The following DCLRE1C variants were observed in gnomAD, a reference collection of about 807,000 sequenced individuals.
The protein encoded by DCLRE1C is protein artemis.
Under a neutral mutation model 61.4 loss-of-function variants are expected in DCLRE1C, and 47 were observed. The ratio of observed to expected loss-of-function variants is 0.77; its 90% CI spans 0.61 to 0.98. DCLRE1C has a LOEUF of 0.98. Ranked by LOEUF, DCLRE1C falls within the 50% of genes least tolerant of loss-of-function variation. The pLI is 0.00. For missense variants in DCLRE1C, 858 were observed against 816.0 expected (o/e 1.05, Z -0.63); for synonymous variants, 337 against 287.6 (o/e 1.17, Z -1.74).
intron 12 of DCLRE1C, chr10:14,920,467 GGC>G: frequency 1.0e-6 from 1 of 991,508 alleles, no homozygotes. Flanking sequence ...ATTTGAACAG[GGC>G]CATGAGGTGC....
intron 3 of DCLRE1C, among the ~76,000 whole-genome samples, chr10:14,944,475 G>A (rs111586405): frequency 0.019 from 2,833 of 151,902 alleles, 44 homozygotes; most frequent in Middle Eastern, 0.044. Context: ...CTCCAGCCTC[G>A]GCAGCAGAGC....
intron 13 of DCLRE1C, among the ~76,000 whole-genome samples, chr10:14,917,505 A>C (rs1421048605): frequency 6.6e-6 from 1 of 152,198 alleles, no homozygotes; most frequent in South Asian, 2.1e-4. Context: ...AAAACAAAAA[A>C]AACTTGTATC....
chr10:14,946,016 C>CT (rs1408844342), intron 2 of DCLRE1C, among the ~76,000 whole-genome samples: 12 of 95,288 alleles, frequency 1.3e-4, no homozygotes, highest in East Asian at 3.3e-4. Context: ...CTTTTTTTTT[C>CT]TTTTTTTTTG....
At chr10:14,950,424 C>G (rs1328951714) in intron 1 of DCLRE1C, among the ~76,000 whole-genome samples, 2 of 151,288 alleles carry the variant, frequency 1.3e-5, no homozygotes, top group East Asian at 1.9e-4. Context: ...CTAATTACCA[C>G]GAGCACCACC....
rs35927251 is a variant in DCLRE1C at position 14,932,844 on chromosome 10, G to A, written c.780+10C>T. 0.17 allele frequency: 276,730 copies of A among 1,612,202 alleles called. 24,398 individuals are homozygous for A. The highest frequency in any genetic ancestry group is 0.23 in the Admixed American group (13,676 of 59,976). ...ACAAACAATACGAGAGGAATCACTT[G>A]CACACGTACCTTGGGATGCCGGCAT... is the stretch of plus-strand genomic sequence containing the variant. On this transcript the variant is annotated intron_variant, in intron 9 of 13. Transcript: ENST00000378278.
chr10:14,939,674 A>C, intron 4 of DCLRE1C, 136 bp downstream of exon 4: 1 of 738,418 alleles, frequency 1.4e-6, no homozygotes, highest in Non-Finnish European at 2.2e-6. Flanking sequence ...TGGTTAAATG[A>C]GCATTCAAAA....
At chr10:14,928,787 T>TG (rs1491366935) in intron 9 of DCLRE1C, among the ~76,000 whole-genome samples, 1 of 89,600 alleles carries the variant, frequency 1.1e-5, no homozygotes, top group African/African-American at 4.4e-5. Flanking sequence ...GTGTATGGTG[T>TG]TTTTTTTTTT....
intron 11 of DCLRE1C, among the ~76,000 whole-genome samples, chr10:14,924,302 AT>A (rs1228011455): frequency 2.6e-5 from 4 of 152,218 alleles, no homozygotes; most frequent in African/African-American, 9.6e-5. Context: ...TAAACAAACA[AT>A]TACATGCAAA....
chr10:14,940,878 G>A (rs2131042866), intron 3 of DCLRE1C, among the ~76,000 whole-genome samples: 1 of 152,246 alleles, frequency 6.6e-6, no homozygotes, highest in Admixed American at 6.5e-5. Context: ...TATGAAATGG[G>A]TTTTTCCCCA....
chr10:14,927,573 T>TG (rs1202401112), intron 10 of DCLRE1C, among the ~76,000 whole-genome samples: 61 of 29,802 alleles, frequency 2.0e-3, no homozygotes, highest in East Asian at 8.6e-3. Flanking sequence ...AGGGAGGGAG[T>TG]GGGGGGGGAG....
rs1842850300 is a variant in DCLRE1C at position 14,954,090 on chromosome 10, G to C, written c.-80C>G. 1 of 1,601,154 alleles carries C rather than the reference G, an allele frequency of 6.2e-7. No individual in the cohort carries two copies. Among genetic ancestry groups the C allele is most frequent in the African/African-American group, 1.3e-5 (1 of 74,962 alleles). ...AGCCCTGACCGCGCCGCCACTTCCG[G>C]GAAGCCGCGCGCTGCCTCGCCATTG... On this transcript the variant is annotated 5_prime_UTR_variant, in exon 1 of 14. Coordinates refer to ENST00000378278, the MANE Select transcript of DCLRE1C (RefSeq NM_001033855.3).
In DCLRE1C at chr10:14,934,783, G is replaced by T. The variant is rs1218480223; in HGVS notation, c.465-8C>A. On this transcript the variant is annotated splice_region_variant and splice_polypyrimidine_tract_variant and intron_variant, in intron 6 of 13. Coordinates refer to ENST00000378278, the MANE Select transcript of DCLRE1C (RefSeq NM_001033855.3). ...CTTTGGATGTCTTTGACTCTGAAAA[G>T]AAAAAAAATTGATGTTAGCCATCCA... 1 of 1,604,840 alleles carries T rather than the reference G, an allele frequency of 6.2e-7. No homozygotes were observed. The highest frequency in any genetic ancestry group is 8.5e-7 in the Non-Finnish European group (1 of 1,171,910).
At chr10:14,936,697 A>G in intron 4 of DCLRE1C, 104 bp from the exon 5 acceptor site, 1 of 769,520 alleles carries the variant, frequency 1.3e-6, no homozygotes. Flanking sequence ...CCTTTTAACA[A>G]TGTGCCTTTT....
At chr10:14,902,396 G>T, downstream of DCLRE1C, 1 of 1,564,818 alleles carries the variant, frequency 6.4e-7, no homozygotes, top group East Asian at 2.3e-5. Context: ...TTCTTTTTCT[G>T]TGTCTTCAGG....
chr10:14,950,541 A>G (rs1205748074), intron 1 of DCLRE1C, among the ~76,000 whole-genome samples: 2 of 152,118 alleles, frequency 1.3e-5, no homozygotes, highest in East Asian at 3.8e-4. Flanking sequence ...TTGATTGTAT[A>G]TATGCCTCCA....
intron 12 of DCLRE1C, chr10:14,920,327 A>G (rs762634924): frequency 2.7e-5 from 26 of 957,072 alleles, no homozygotes; most frequent in Non-Finnish European, 3.2e-5. Flanking sequence ...AGCTAAGACA[A>G]AGTGGAGATA....
At chr10:14,954,190 T>A (rs562162499), upstream of DCLRE1C, 72 of 997,694 alleles carry the variant, frequency 7.2e-5, 1 homozygote, top group Middle Eastern at 3.1e-4. Context: ...TCCGGTCGGG[T>A]TCTAGGCGCC....
chr10:14,910,219 A>G (rs1483847877), intron 13 of DCLRE1C, among the ~76,000 whole-genome samples: 1 of 152,208 alleles, frequency 6.6e-6, no homozygotes, highest in African/African-American at 2.4e-5. Flanking sequence ...GTGTGCCAAT[A>G]CACACGACCC....
At position 14,907,098 on chromosome 10, in the gene DCLRE1C, A is replaced by C. The variant is rs1432485826; in HGVS notation, c.*1310T>G. On this transcript the variant is annotated 3_prime_UTR_variant, in exon 14 of 14. Transcript: ENST00000378278. ...GGCTGGACTCAAAACCCTGAGCTCAAGCGAGCCTCCCAAAGTACTGGGATT... is the reference window on the plus strand; with the variant it reads ...GGCTGGACTCAAAACCCTGAGCTCACGCGAGCCTCCCAAAGTACTGGGATT... Among the ~76,000 whole-genome samples the C allele has an allele frequency of 6.6e-6, 1 of 152,018 alleles. No homozygotes were observed. The highest frequency in any genetic ancestry group is 1.5e-5 in the Non-Finnish European group (1 of 68,002).
Sources: gnomAD v4.1 joint callset for allele counts (sites outside exome capture counted in the v4.1 genomes callset) on GRCh38, gnomAD v4.1.1 for gene constraint, MANE v1.5 for transcripts, NCBI Gene and HGNC (gene_info 2026-07-23, HGNC 2026-07-21) for gene names.